MYO1C: variants seen among roughly 807,000 people sequenced by gnomAD.
MYO1C encodes the protein myosin IC.
MYO1C carries 104 observed loss-of-function variants against 150.8 expected under a neutral mutation model. The ratio of observed to expected loss-of-function variants is 0.69; its 90% CI spans 0.59 to 0.81. The LOEUF is 0.81. MYO1C is among the 30% of genes least tolerant of loss of function. MYO1C has a pLI of 0.00. For synonymous variants in MYO1C, 663 were observed against 579.9 expected (o/e 1.14, Z -2.06); for missense variants, 1,504 against 1,435.0 (o/e 1.05, Z -0.78).
intron 17 of MYO1C, among the ~76,000 whole-genome samples, chr17:1,474,020 C>T (rs2074352958): frequency 6.6e-6 from 1 of 152,114 alleles, no homozygotes; most frequent in African/African-American, 2.4e-5. Context: ...CGCACAGAGG[C>T]AGCTGTCAAC....
chr17:1,488,605 C>T (rs72818301), intron 1 of MYO1C, among the ~76,000 whole-genome samples: 6,555 of 152,284 alleles, frequency 0.043, 233 homozygotes, highest in Admixed American at 0.11. Context: ...GACTGGAACC[C>T]GGGCACTGGA....
intron 1 of MYO1C, chr17:1,491,672 G>T (rs2074736633): frequency 2.0e-6 from 2 of 979,926 alleles, no homozygotes; most frequent in Non-Finnish European, 2.4e-6. Context: ...CGGCCCGGGC[G>T]CACTCTCCCC....
chr17:1,486,511 C>CT (rs1030558797), intron 1 of MYO1C, among the ~76,000 whole-genome samples: 370 of 126,956 alleles, frequency 2.9e-3, no homozygotes, highest in Middle Eastern at 0.016. Flanking sequence ...TCCCTCCCTC[C>CT]TTTTTTTTTC....
chr17:1,482,769 C>T, intron 4 of MYO1C, 92 bp downstream of exon 4: 1 of 181,516 alleles, frequency 5.5e-6, no homozygotes, highest in Non-Finnish European at 1.1e-5. Context: ...CCCACACTAG[C>T]CTTCTCTCCC....
chr17:1,471,402 T>G, intron 19 of MYO1C, 66 bp from the exon 20 acceptor site: 1 of 1,382,982 alleles, frequency 7.2e-7, no homozygotes, highest in Non-Finnish European at 1.0e-6. Context: ...CCCAATCAGC[T>G]TTCTCTGGGC....
chr17:1,467,366 T>C (rs1406801176), intron 30 of MYO1C, 25 bp from the exon 31 acceptor site: 32 of 1,603,136 alleles, frequency 2.0e-5, no homozygotes, highest in Non-Finnish European at 2.6e-5. Flanking sequence ...TGGGTGAGGG[T>C]TTTTCCATGG....
At chr17:1,491,400 T>C (rs943791630) in intron 1 of MYO1C, among the ~76,000 whole-genome samples, 9 of 149,452 alleles carry the variant, frequency 6.0e-5, no homozygotes, top group Non-Finnish European at 8.9e-5. Context: ...TCCCCGCAGG[T>C]AAATCTAAGT....
rs144708970 is a variant in MYO1C at position 1,478,439 on chromosome 17, A to G, written c.1266T>C (p.Ile422=). ...TATGCTGAAACACTTCAAAGCCATA[A>G]ATATCCAGGAGCCCGAGAACCGTGG... ...RSTTVLGLLD[I]YGFEVFQHNS... Residue 422 remains isoleucine, a synonymous_variant, in exon 11 of 32, where the codon ATT becomes ATC. Coordinates refer to ENST00000648651, the MANE Select transcript of MYO1C (RefSeq NM_001080779.2). The surrounding 1 kb of genome is among the most constrained non-coding windows in gnomAD (Gnocchi z 6.3). The G allele has an allele frequency of 1.0e-4, 169 of 1,614,014 alleles. No homozygotes were observed. The highest frequency in any genetic ancestry group is 1.5e-4 in the Admixed American group (9 of 59,982).
chr17:1,492,073 G>A (rs1204764390), intron 1 of MYO1C: 2 of 357,318 alleles, frequency 5.6e-6, no homozygotes, highest in East Asian at 7.0e-5. Flanking sequence ...GGAGAGGAGC[G>A]GGGCGTTGAC....
rs991458234 is a variant in MYO1C at position 1,480,748 on chromosome 17, C to T, written c.765G>A (p.Leu255=). 2 of 1,614,060 alleles carry T rather than the reference C, an allele frequency of 1.2e-6. No homozygotes were observed. The highest frequency in any genetic ancestry group is 1.3e-5 in the African/African-American group (1 of 74,924). The change falls in exon 6 of 32, where the codon CTG becomes CTA. Residue 255 remains leucine, a synonymous_variant. Coordinates refer to ENST00000648651, the MANE Select transcript of MYO1C (RefSeq NM_001080779.2). ...AGCTCTGGGGGTTCCGTTCCAAGCC[C>T]AGCCTGCGAAGAGTCTCCTCCTCGC... is the stretch of plus-strand genomic sequence containing the variant. ...EGGEEETLRR[L]GLERNPQSYL...
chr17:1,491,623 C>A (rs2074735960), intron 1 of MYO1C: 2 of 981,480 alleles, frequency 2.0e-6, no homozygotes, highest in African/African-American at 1.8e-5. Context: ...CCGGCGCGGG[C>A]GGGGCCGGGC....
At chr17:1,470,026 CA>C (rs535565714) in intron 24 of MYO1C, 148 bp downstream of exon 24, 11,753 of 717,722 alleles carry the variant, frequency 0.016, 43 homozygotes, top group Non-Finnish European at 0.019. Flanking sequence ...GACTCCATCT[CA>C]AAAAAAAAAG....
rs1002315108 is a variant in MYO1C at position 1,470,273 on chromosome 17, C to G, written c.2428G>C (p.Asp810His). 63 of 1,600,134 alleles carry G rather than the reference C, an allele frequency of 3.9e-5. No homozygotes were observed. The highest frequency in any genetic ancestry group is 5.1e-5 in the Non-Finnish European group (60 of 1,174,224). Residue 810 changes from aspartate to histidine, a missense_variant, in exon 24 of 32, where the codon GAC becomes CAC. Transcript: ENST00000648651. ...AGCAAAAAAGAGGTGCGCACATGGT[C>G]CAGGAAGAAGGCGTTCTCGGGGCAG... ...PRCPENAFFL[D>H]HVRTSFLLNL...
chr17:1,476,441 T>C (rs773637067), intron 14 of MYO1C, among the ~76,000 whole-genome samples: 14 of 152,202 alleles, frequency 9.2e-5, no homozygotes, highest in Non-Finnish European at 1.8e-4. Context: ...TCCCACAGTG[T>C]CGGGATGACA....
chr17:1,471,931 C>T lies in MYO1C; in HGVS notation c.1997G>A (p.Arg666His). 1.9e-6 allele frequency: 3 copies of T among 1,614,080 alleles called. No individual in the cohort carries two copies. Among genetic ancestry groups the T allele is most frequent in the Non-Finnish European group, 2.5e-6 (3 of 1,180,016 alleles). The change falls in exon 19 of 32, where the codon CGC (arginine) becomes CAC (histidine). Residue 666 changes from arginine (R) to histidine (H), a missense_variant. Transcript: ENST00000648651. ...CCTTTGCAGGAAAGCTTCGTATTTG[C>T]GGCGATAGGCAAAGCCGGCTCTGCG... ...RVRRAGFAYR[R>H]KYEAFLQRYK...
intron 25 of MYO1C, 70 bp downstream of exon 25, chr17:1,469,461 C>T (rs1226222793): frequency 2.4e-5 from 25 of 1,039,436 alleles, no homozygotes; most frequent in Non-Finnish European, 3.1e-5. Context: ...TCCAGGCGGA[C>T]ACCCTTTGAG....
At chr17:1,481,599 C>T (rs2074522144) in intron 5 of MYO1C, among the ~76,000 whole-genome samples, 1 of 151,712 alleles carries the variant, frequency 6.6e-6, no homozygotes, top group African/African-American at 2.4e-5. Context: ...CTCCCGGGTT[C>T]AAGCAATTCT....
At position 1,482,419 on chromosome 17, in the gene MYO1C, G is replaced by C. The variant is rs897519578; in HGVS notation, c.627+59C>G. On this transcript the variant is annotated intron_variant, in intron 5 of 31. Transcript: ENST00000648651. Reference sequence around the variant, plus strand: ...GAATAGTCCCTGGTACCCAGTAGGTGCTTCACACGTGTAGAGCCTACTGAA... The same window carrying C: ...GAATAGTCCCTGGTACCCAGTAGGTCCTTCACACGTGTAGAGCCTACTGAA... The C allele has an allele frequency of 2.8e-6, 4 of 1,436,766 alleles. No individual in the cohort carries two copies. The Admixed American group carries it at 6.7e-5, about 24-fold the overall frequency. The allele number at this position is 1,436,766 out of a possible 1,614,324, so 89.0% of individuals were successfully genotyped here. A position where few individuals can be genotyped will look rare whatever the true frequency, so the allele number is the denominator to read the frequency against.
Position 1,479,633 on chromosome 17 carries a change from C to A in MYO1C, c.979G>T (p.Ala327Ser). 6.2e-7 allele frequency: 1 copy of A among 1,613,670 alleles called. No individual in the cohort carries two copies. Among genetic ancestry groups the A allele is most frequent in the Non-Finnish European group, 8.5e-7 (1 of 1,179,898 alleles). The change falls in exon 8 of 32, where the codon GCC becomes TCC. Residue 327 changes from alanine to serine, a missense_variant. Physicochemically the swap from Ala to Ser is moderately conservative, Grantham distance 99. Coordinates refer to ENST00000648651, the MANE Select transcript of MYO1C (RefSeq NM_001080779.2). The surrounding 1 kb of genome is among the most constrained non-coding windows in gnomAD (Gnocchi z 4.2). Reference protein sequence around the residue: ...IHFAANEESNAQVTTENQLKY... With the variant: ...IHFAANEESNSQVTTENQLKY... ...AGCTGGTTCTCGGTGGTGACCTGGG[C>A]ATTGCTCTCCTCGTTGGCAGCAAAG...
Sources: allele counts gnomAD v4.1 joint callset (sites outside exome capture counted in the v4.1 genomes callset), GRCh38; gene constraint gnomAD v4.1.1; non-coding constraint Gnocchi (gnomAD v3.1); transcripts MANE v1.5; gene names NCBI Gene and HGNC (gene_info 2026-07-23, HGNC 2026-07-21).